ZMYND11: variants seen among roughly 807,000 people sequenced by gnomAD.
The protein encoded by ZMYND11 is zinc finger MYND domain-containing protein 11.
In ZMYND11, 9 loss-of-function variants were observed where a neutral mutation model predicts 84.9. The observed-to-expected ratio is 0.11, with a 90% CI of 0.06 to 0.18. The LOEUF is 0.18. Among genes scored for constraint, ZMYND11 ranks in the 10% least tolerant of loss-of-function variants. The pLI, the probability that ZMYND11 is intolerant of heterozygous loss-of-function variation, is 1.00. For missense variants in ZMYND11, 409 were observed against 761.0 expected (o/e 0.54, Z 5.44); for synonymous variants, 250 against 244.1 (o/e 1.02, Z -0.23).
rs369688627 is a variant in ZMYND11 at position 187,383 on chromosome 10, T to C, written c.116+7255T>C. Among the ~76,000 whole-genome samples, 27 of 151,858 alleles carry C rather than the reference T, an allele frequency of 1.8e-4. No homozygotes were observed. The East Asian group carries it at 2.7e-3, about 15-fold the overall frequency. On this transcript the variant is annotated intron_variant, in intron 2 of 14. Transcript: ENST00000381604. Reference sequence around the variant, plus strand: ...GGCGCGGTGGCTCACGCCTGTAATCTCAGCACTTTGGGAGGCCGAGGCGGG... The same window carrying C: ...GGCGCGGTGGCTCACGCCTGTAATCCCAGCACTTTGGGAGGCCGAGGCGGG...
At chr10:187,176 T>G (rs1350932098) in intron 2 of ZMYND11, among the ~76,000 whole-genome samples, 1 of 151,674 alleles carries the variant, frequency 6.6e-6, no homozygotes, top group Non-Finnish European at 1.5e-5. Flanking sequence ...CAGTGAGCTG[T>G]GATTGTGCCA....
intron 1 of ZMYND11, among the ~76,000 whole-genome samples, chr10:175,918 C>T (rs1475122206): frequency 3.9e-5 from 6 of 152,238 alleles, no homozygotes; most frequent in African/African-American, 9.6e-5. Context: ...AAGTAAAAAT[C>T]GAACCTATTT....
rs941056756 is a variant in ZMYND11, at chr10:136,530, C to A, written c.-20+971C>A. On this transcript the variant is annotated intron_variant, in intron 1 of 14. Transcript: ENST00000381604. ...CATACACGGTGTGTACATGTATCTT[C>A]CTCGCTTAGGCTGTGCACTCAGCCC... is the stretch of plus-strand genomic sequence containing the variant. Among the ~76,000 whole-genome samples the A allele has an allele frequency of 3.3e-5, 5 of 152,216 alleles. No homozygotes were observed. The East Asian group carries it at 5.8e-4, about 18-fold the overall frequency.
At chr10:152,805 G>A (rs1295305828) in intron 1 of ZMYND11, among the ~76,000 whole-genome samples, 2 of 152,162 alleles carry the variant, frequency 1.3e-5, no homozygotes, top group African/African-American at 4.8e-5. Flanking sequence ...TGACCACATA[G>A]TTGGAAGTAA....
intron 2 of ZMYND11, 50 bp downstream of exon 2, chr10:180,178 T>G: frequency 6.6e-7 from 1 of 1,512,730 alleles, no homozygotes; most frequent in Non-Finnish European, 9.1e-7. Context: ...TAGAAGACTT[T>G]GGGGGAAAGG....
chr10:211,645 C>T (rs1466512229), intron 3 of ZMYND11, among the ~76,000 whole-genome samples: 1 of 152,158 alleles, frequency 6.6e-6, no homozygotes, highest in East Asian at 1.9e-4. Context: ...ACCTTCAAAG[C>T]TTCAGGAAAG....
chr10:156,489 C>T (rs1564283509), intron 1 of ZMYND11, among the ~76,000 whole-genome samples: 1 of 152,136 alleles, frequency 6.6e-6, no homozygotes, highest in Non-Finnish European at 1.5e-5. Context: ...TTTATTTACA[C>T]AAAGCACATA....
At chr10:197,285 G>A (rs889987274) in intron 2 of ZMYND11, among the ~76,000 whole-genome samples, 4 of 152,052 alleles carry the variant, frequency 2.6e-5, no homozygotes, top group African/African-American at 4.8e-5. Flanking sequence ...GTGTGCCCAC[G>A]TGCGCATTGT....
chr10:150,594 C>G (rs1041918820), intron 1 of ZMYND11, among the ~76,000 whole-genome samples: 13 of 152,146 alleles, frequency 8.5e-5, no homozygotes, highest in Non-Finnish European at 1.6e-4. Flanking sequence ...CCTGGAGGCT[C>G]GAACTGGGTG....
chr10:239,818 C>T lies in ZMYND11; in HGVS notation c.698-238C>T, dbSNP rs1340004070. ...CTATGATTAATTCTGATCATTTCCC[C>T]ACTAGTACCACATCATCCAAAGGTA... On this transcript the variant is annotated intron_variant, in intron 7 of 14. Coordinates refer to ENST00000381604, the MANE Select transcript of ZMYND11 (RefSeq NM_001370100.5). The T allele has an allele frequency of 2.0e-5, 11 of 547,318 alleles. No individual in the cohort carries two copies. In the South Asian group the frequency reaches 2.1e-4, roughly 11 times the overall value. 33.9% of individuals were successfully genotyped at this position (547,318 alleles called of 1,614,324 possible).
intron 4 of ZMYND11, among the ~76,000 whole-genome samples, chr10:231,721 GTTAC>G (rs1488341163): frequency 2.0e-5 from 3 of 152,194 alleles, no homozygotes; most frequent in Non-Finnish European, 4.4e-5. Flanking sequence ...TAGCCTGGCA[GTTAC>G]TTACAACTGG....
intron 10 of ZMYND11, among the ~76,000 whole-genome samples, chr10:242,603 C>G (rs1229581521): frequency 6.6e-6 from 1 of 152,138 alleles, no homozygotes; most frequent in South Asian, 2.1e-4. Flanking sequence ...ATAAAGAATT[C>G]ACATGCAATT....
intron 4 of ZMYND11, among the ~76,000 whole-genome samples, chr10:226,154 C>G (rs1395988996): frequency 6.6e-6 from 1 of 152,148 alleles, no homozygotes; most frequent in Non-Finnish European, 1.5e-5. Flanking sequence ...GCATTTGTCT[C>G]CCCATTACGC....
chr10:192,119 T>C (rs1940597116), intron 2 of ZMYND11, among the ~76,000 whole-genome samples: 1 of 152,212 alleles, frequency 6.6e-6, no homozygotes, highest in Admixed American at 6.5e-5. Context: ...TGTGTGACTT[T>C]GCAGGCCATG....
At chr10:160,991 G>A (rs145377509) in intron 1 of ZMYND11, among the ~76,000 whole-genome samples, 1,846 of 127,238 alleles carry the variant, frequency 0.015, 16 homozygotes, top group Admixed American at 0.021. Context: ...AGACAGGGTC[G>A]TGCTCTGTCA....
chr10:175,641 C>T (rs1846444049), intron 1 of ZMYND11, among the ~76,000 whole-genome samples: 1 of 152,092 alleles, frequency 6.6e-6, no homozygotes, highest in Admixed American at 6.6e-5. Context: ...TGTAGAAGGA[C>T]TTCTGATCAC....
At chr10:197,003 T>C (rs1330580816) in intron 2 of ZMYND11, among the ~76,000 whole-genome samples, 1 of 149,574 alleles carries the variant, frequency 6.7e-6, no homozygotes, top group African/African-American at 2.5e-5. Flanking sequence ...TGTGTATCAA[T>C]ACATACGCAT....
Position 148,782 on chromosome 10 carries a change from C to T in ZMYND11, c.-20+13223C>T, listed in dbSNP as rs373030367. 13 of 152,368 alleles carry T rather than the reference C, an allele frequency of 8.5e-5. No homozygotes were observed. The East Asian group carries it at 1.4e-3, about 16-fold the overall frequency. 9.4% of individuals were successfully genotyped at this position (152,368 alleles called of 1,614,324 possible). A position where few individuals can be genotyped will look rare whatever the true frequency, so the allele number is the denominator to read the frequency against. Reference sequence around the variant, plus strand: ...CAGGGCTCTTCGTTTGCTCTTCTCACGGGACAGCACAGCCTCATCCACCAT... The same window carrying T: ...CAGGGCTCTTCGTTTGCTCTTCTCATGGGACAGCACAGCCTCATCCACCAT... On this transcript the variant is annotated intron_variant, in intron 1 of 14. Coordinates refer to ENST00000381604, the MANE Select transcript of ZMYND11 (RefSeq NM_001370100.5).
intron 4 of ZMYND11, among the ~76,000 whole-genome samples, chr10:236,100 G>A (rs565151451): frequency 6.6e-6 from 1 of 152,282 alleles, no homozygotes; most frequent in Admixed American, 6.5e-5. Context: ...CATTTCCTCT[G>A]CAGTATGAAC....
Sources: allele counts gnomAD v4.1 joint callset (sites outside exome capture counted in the v4.1 genomes callset), GRCh38; gene constraint gnomAD v4.1.1; transcripts MANE v1.5; gene names NCBI Gene and HGNC (gene_info 2026-07-23, HGNC 2026-07-21).